AUTS2: variants seen among roughly 807,000 people sequenced by gnomAD.
The protein encoded by AUTS2 is autism susceptibility gene 2 protein.
Under a neutral mutation model 112.4 loss-of-function variants are expected in AUTS2, and 17 were observed. That is an observed-to-expected ratio of 0.15 (90% CI 0.10 to 0.23). The LOEUF is 0.23. Ranked by LOEUF, AUTS2 falls within the 10% of genes least tolerant of loss-of-function variation. AUTS2 has a pLI of 1.00. For missense variants in AUTS2, 1,510 were observed against 1,701.6 expected, an observed-to-expected ratio of 0.89 and a Z score of 1.98; for synonymous variants, 751 against 702.7, an observed-to-expected ratio of 1.07 and a Z score of -1.09.
chr7:69,733,289 C>G (rs928861573), intron 1 of AUTS2, among the ~76,000 whole-genome samples: 1 of 152,154 alleles, frequency 6.6e-6, no homozygotes, highest in Non-Finnish European at 1.5e-5. Context: ...AGAGAGGGAA[C>G]TGTTTTTAAA....
intron 2 of AUTS2, among the ~76,000 whole-genome samples, chr7:70,030,683 C>A (rs573663618): frequency 1.3e-5 from 2 of 152,232 alleles, no homozygotes; most frequent in Admixed American, 6.5e-5. Context: ...TGGATTAAAC[C>A]AGTTTATGGC....
intron 1 of AUTS2, among the ~76,000 whole-genome samples, chr7:69,614,692 C>G (rs1162429674): frequency 6.6e-6 from 1 of 151,992 alleles, no homozygotes; most frequent in Non-Finnish European, 1.5e-5. Context: ...CAATGTTACC[C>G]AGGCTGATCT....
chr7:70,093,153 A>G (rs143381837), intron 2 of AUTS2, among the ~76,000 whole-genome samples: 167 of 152,266 alleles, frequency 1.1e-3, no homozygotes, highest in African/African-American at 3.8e-3. Context: ...CATTAATCCC[A>G]TGATTCGTAG....
At chr7:69,746,827 T>C (rs1787517560) in intron 1 of AUTS2, among the ~76,000 whole-genome samples, 1 of 152,000 alleles carries the variant, frequency 6.6e-6, no homozygotes, top group Admixed American at 6.6e-5. Context: ...CTCTGACCAT[T>C]GTGTTGAGAA....
At chr7:69,900,423 G>T (rs1218003503) in intron 2 of AUTS2, among the ~76,000 whole-genome samples, 1 of 152,224 alleles carries the variant, frequency 6.6e-6, no homozygotes, top group Admixed American at 6.5e-5. Context: ...CTCTGCAGAG[G>T]CAGGGAGATC....
In AUTS2 at chr7:70,166,284, A is replaced by T. The variant is rs912755411; in HGVS notation, c.660+31713A>T. Among the ~76,000 whole-genome samples the T allele has an allele frequency of 2.2e-4, 34 of 152,180 alleles. 1 individual carries two copies. Among genetic ancestry groups the T allele is most frequent in the African/African-American group, 5.8e-4 (24 of 41,446 alleles). On this transcript the variant is annotated intron_variant, in intron 4 of 18. Transcript: ENST00000342771. ...TAATTTATTTTAAGGGTTGTAAAAA[A>T]TTTTTTTAAATATAGAATAATTAAT...
At chr7:69,677,140 T>C (rs113948569) in intron 1 of AUTS2, among the ~76,000 whole-genome samples, 2 of 152,294 alleles carry the variant, frequency 1.3e-5, no homozygotes, top group African/African-American at 4.8e-5. Context: ...TGATAGAGTT[T>C]AGAGAGTCTC....
intron 5 of AUTS2, among the ~76,000 whole-genome samples, chr7:70,645,412 T>C (rs1806103027): frequency 6.6e-6 from 1 of 152,078 alleles, no homozygotes; most frequent in Non-Finnish European, 1.5e-5. Context: ...AACCGGAAGC[T>C]GCACCAGCCA....
At chr7:70,644,787 C>T (rs774965732) in intron 5 of AUTS2, among the ~76,000 whole-genome samples, 7 of 152,212 alleles carry the variant, frequency 4.6e-5, no homozygotes, top group Non-Finnish European at 8.8e-5. Context: ...CCCAGAAGTG[C>T]TGCATAACCC....
chr7:70,360,212 C>T (rs779490137), intron 4 of AUTS2, among the ~76,000 whole-genome samples: 1 of 152,174 alleles, frequency 6.6e-6, no homozygotes, highest in Non-Finnish European at 1.5e-5. Context: ...ACTGGAGCCT[C>T]AACCTCCTGG....
intron 5 of AUTS2, among the ~76,000 whole-genome samples, chr7:70,678,020 T>C (rs1424706733): frequency 6.6e-6 from 1 of 152,058 alleles, no homozygotes; most frequent in Non-Finnish European, 1.5e-5. Context: ...AGGCGGAGCT[T>C]GCAGTGAGCC....
chr7:69,917,100 A>T (rs1795608868), intron 2 of AUTS2, among the ~76,000 whole-genome samples: 1 of 151,966 alleles, frequency 6.6e-6, no homozygotes, highest in African/African-American at 2.4e-5. Flanking sequence ...TGCAGCCTCC[A>T]CCTCATGGGT....
At chr7:69,656,170 C>T (rs553219101) in intron 1 of AUTS2, among the ~76,000 whole-genome samples, 1 of 152,328 alleles carries the variant, frequency 6.6e-6, no homozygotes, top group South Asian at 2.1e-4. Context: ...GGCAAATGGC[C>T]CCTCTGCCCC....
chr7:70,068,334 C>T (rs983150538), intron 2 of AUTS2, among the ~76,000 whole-genome samples: 2 of 151,758 alleles, frequency 1.3e-5, no homozygotes, highest in African/African-American at 4.8e-5. Flanking sequence ...CCTGCCACCC[C>T]ACCCGGCTAA....
chr7:70,172,940 T>C (rs778040050), intron 4 of AUTS2, among the ~76,000 whole-genome samples: 2 of 152,214 alleles, frequency 1.3e-5, no homozygotes, highest in Non-Finnish European at 2.9e-5. Flanking sequence ...CTGCAAAGTA[T>C]ATGCGATTAC....
At chr7:70,203,926 AAATG>A (rs890552230) in intron 4 of AUTS2, among the ~76,000 whole-genome samples, 1 of 151,924 alleles carries the variant, frequency 6.6e-6, no homozygotes, top group African/African-American at 2.4e-5. Context: ...TTTTGAAAAT[AAATG>A]AATGATTGGC....
chr7:69,923,113 C>A (rs533579078), intron 2 of AUTS2, among the ~76,000 whole-genome samples: 1 of 152,248 alleles, frequency 6.6e-6, no homozygotes, highest in Admixed American at 6.5e-5. Flanking sequence ...AAAAGGTATA[C>A]TTGACATGAA....
intron 4 of AUTS2, among the ~76,000 whole-genome samples, chr7:70,422,221 G>A (rs1250048983): frequency 6.6e-6 from 1 of 152,030 alleles, no homozygotes; most frequent in Admixed American, 6.6e-5. Flanking sequence ...TCACTATCTT[G>A]CATTTGTAAA....
intron 5 of AUTS2, among the ~76,000 whole-genome samples, chr7:70,470,840 G>A (rs1384030844): frequency 6.6e-6 from 1 of 152,088 alleles, no homozygotes; most frequent in East Asian, 1.9e-4. Flanking sequence ...CAGTAACAAA[G>A]GGCATTGTCT....
Sources: gnomAD v4.1 joint callset for allele counts (sites outside exome capture counted in the v4.1 genomes callset) on GRCh38, gnomAD v4.1.1 for gene constraint, MANE v1.5 for transcripts, NCBI Gene and HGNC (gene_info 2026-07-23, HGNC 2026-07-21) for gene names.